TXNDC5: variants seen among roughly 807,000 people sequenced by gnomAD.
TXNDC5 encodes thioredoxin domain-containing protein 5.
TXNDC5 carries 44 observed loss-of-function variants against 52.6 expected under a neutral mutation model. The observed-to-expected ratio is 0.84, with a 90% CI of 0.66 to 1.08. The LOEUF (loss-of-function observed/expected upper bound fraction) is 1.08. TXNDC5 is among the 50% of genes least tolerant of loss of function. The pLI is 0.00. For synonymous variants in TXNDC5, 241 were observed against 234.4 expected, an observed-to-expected ratio of 1.03 and a Z score of -0.26; for missense variants, 600 against 565.5, an observed-to-expected ratio of 1.06 and a Z score of -0.62.
rs371995012 is a variant in TXNDC5, at chr6:7,903,438, G to C, written c.413+1136C>G. Among the ~76,000 whole-genome samples the C allele has an allele frequency of 1.4e-4, 22 of 152,204 alleles. No individual in the cohort carries two copies. The Middle Eastern group carries it at 0.01, about 71-fold the overall frequency. On this transcript the variant is annotated intron_variant, in intron 2 of 9. Transcript: ENST00000379757. The stretch of plus-strand genomic sequence containing the variant: ...GTAGGGAAAACCCTAACATGTATTG[G>C]GTGTGCTCAGATTGGTGTCTGCACA...
intron 1 of TXNDC5, among the ~76,000 whole-genome samples, chr6:7,905,526 C>G (rs1473523258): frequency 3.9e-5 from 6 of 152,196 alleles, no homozygotes; most frequent in Non-Finnish European, 8.8e-5. Flanking sequence ...AATCACCCAT[C>G]ATTTAAAATA....
In TXNDC5 at chr6:7,910,744, C is replaced by T; in HGVS notation, c.33G>A (p.Leu11=). 8.9e-6 allele frequency: 9 copies of T among 1,014,648 alleles called. No homozygotes were observed. The highest frequency in any genetic ancestry group is 1.1e-5 in the Non-Finnish European group (9 of 852,582). 62.9% of individuals were successfully genotyped at this position (1,014,648 alleles called of 1,614,324 possible). A position where few individuals can be genotyped will look rare whatever the true frequency, so the allele number is the denominator to read the frequency against. The change falls in exon 1 of 10, where the codon CTG becomes CTA. Residue 11 remains leucine, a synonymous_variant. Coordinates refer to ENST00000379757, the MANE Select transcript of TXNDC5 (RefSeq NM_030810.5). MPARPGRLLP[L]LARPAALTAL... ...CAGTCAGGGCCGCCGGCCGGGCCAG[C>T]AGCGGGAGGAGGCGTCCTGGGCGCG... is the stretch of plus-strand genomic sequence containing the variant.
At chr6:7,892,834 G>A (rs1321619966) in intron 4 of TXNDC5, among the ~76,000 whole-genome samples, 2 of 152,188 alleles carry the variant, frequency 1.3e-5, no homozygotes, top group Non-Finnish European at 2.9e-5. Flanking sequence ...CCAGTCTCGG[G>A]TGTGTATTCA....
intron 6 of TXNDC5, chr6:7,889,181 G>A: frequency 2.2e-6 from 1 of 445,474 alleles, no homozygotes; most frequent in Non-Finnish European, 4.0e-6. Context: ...GGCAGAACCG[G>A]ACCAAGTGCA....
chr6:7,906,528 T>A (rs1334692537), intron 1 of TXNDC5, among the ~76,000 whole-genome samples: 2 of 92,726 alleles, frequency 2.2e-5, no homozygotes, highest in African/African-American at 4.8e-5. Context: ...AGAGCAAGAC[T>A]CCATCTCAAA....
At position 7,891,225 on chromosome 6, in the gene TXNDC5, C is replaced by T. The variant is rs576608512; in HGVS notation, c.732+396G>A. 9.3e-4 allele frequency among the ~76,000 whole-genome samples: 141 copies of T among 152,244 alleles called. 1 individual carries two copies. Among genetic ancestry groups the T allele is most frequent in the African/African-American group, 3.0e-3 (126 of 41,532 alleles). On this transcript the variant is annotated intron_variant, in intron 5 of 9. Transcript: ENST00000379757. Reference sequence around the variant, plus strand: ...GTGCAAACTGAGGGAGGGTCTTCTGCGTGCTTGGGGGAGCACAGAGCCAGG... The same window carrying T: ...GTGCAAACTGAGGGAGGGTCTTCTGTGTGCTTGGGGGAGCACAGAGCCAGG...
intron 1 of TXNDC5, among the ~76,000 whole-genome samples, chr6:7,907,633 G>C (rs760137936): frequency 1.3e-5 from 2 of 152,216 alleles, no homozygotes; most frequent in African/African-American, 4.8e-5. Flanking sequence ...ACTGGAAAAA[G>C]GTATGTGTGT....
chr6:7,893,654 G>A (rs1760273325), intron 4 of TXNDC5, among the ~76,000 whole-genome samples: 1 of 152,262 alleles, frequency 6.6e-6, no homozygotes, highest in Admixed American at 6.5e-5. Context: ...CGGAAAGCAT[G>A]CTAGAGTTCT....
At chr6:7,909,779 T>A (rs1760853558) in intron 1 of TXNDC5, 1 of 985,870 alleles carries the variant, frequency 1.0e-6, no homozygotes, top group Non-Finnish European at 1.2e-6. Flanking sequence ...CTCCTTCCTA[T>A]CCCACAAAAG....
intron 2 of TXNDC5, among the ~76,000 whole-genome samples, chr6:7,901,751 T>C (rs1436171026): frequency 7.2e-5 from 11 of 152,206 alleles, no homozygotes; most frequent in African/African-American, 2.4e-5. Flanking sequence ...ACATGGGCAT[T>C]TGAGTCTCCT....
intron 7 of TXNDC5, among the ~76,000 whole-genome samples, chr6:7,888,314 C>T (rs1312078733): frequency 2.6e-5 from 4 of 152,198 alleles, no homozygotes; most frequent in Admixed American, 6.5e-5. Flanking sequence ...GGAAAATGCC[C>T]GGAGCAAGGT....
At position 7,910,769 on chromosome 6, in the gene TXNDC5, G is replaced by A. The variant is rs998737685; in HGVS notation, c.8C>T (p.Ala3Val). The change falls in exon 1 of 10, where the codon GCG becomes GTG. Residue 3 changes from alanine to valine, a missense_variant. Ala to Val is a moderately conservative substitution (Grantham distance 64, BLOSUM62 0). Transcript: ENST00000379757. The stretch of plus-strand genomic sequence containing the variant: ...CAGCGGGAGGAGGCGTCCTGGGCGC[G>A]CGGGCATCGCGGCGGGGCTGGGCGC... MP[A>V]RPGRLLPLLA... The A allele has an allele frequency of 4.0e-6, 4 of 992,470 alleles. No individual in the cohort carries two copies. The East Asian group carries it at 3.3e-4, about 82-fold the overall frequency. 61.5% of individuals were successfully genotyped at this position (992,470 alleles called of 1,614,324 possible).
At chr6:7,889,277 A>G in intron 6 of TXNDC5, 1 of 533,908 alleles carries the variant, frequency 1.9e-6, no homozygotes, top group Non-Finnish European at 3.3e-6. Context: ...GGGTTATTCT[A>G]GTGATAACCT....
At chr6:7,894,935 GT>G in intron 4 of TXNDC5, 170 bp downstream of exon 4, 1 of 985,318 alleles carries the variant, frequency 1.0e-6, no homozygotes, top group Non-Finnish European at 1.2e-6. Flanking sequence ...GAGAACTCAT[GT>G]TTTAGAGGAG....
intron 1 of TXNDC5, among the ~76,000 whole-genome samples, chr6:7,905,863 A>T (rs1760713484): frequency 6.6e-6 from 1 of 152,182 alleles, no homozygotes; most frequent in Non-Finnish European, 1.5e-5. Flanking sequence ...ATGAACACTC[A>T]ACGCTTAGAA....
At position 7,884,409 on chromosome 6, in the gene TXNDC5, T is replaced by G. The variant is rs1440526676; in HGVS notation, c.1126A>C (p.Ile376Leu). 4.3e-6 allele frequency: 7 copies of G among 1,614,150 alleles called. No homozygotes were observed. In the East Asian group the frequency reaches 8.9e-5, roughly 21 times the overall value. Residue 376 changes from isoleucine to leucine, a missense_variant, in exon 9 of 10, where the codon ATC (isoleucine) becomes CTC (leucine). Coordinates refer to ENST00000379757, the MANE Select transcript of TXNDC5 (RefSeq NM_030810.5). ...KEFPGLAGVK[I>L]AEVDCTAERN... The stretch of plus-strand genomic sequence containing the variant: ...TCAGCAGTGCAGTCTACTTCGGCGA[T>G]CTTGACCCCCGCCAGACCAGGGAAT...
intron 1 of TXNDC5, among the ~76,000 whole-genome samples, chr6:7,906,557 A>AAAAAAAAAAAAAAC (rs1561816188): frequency 3.7e-5 from 5 of 133,454 alleles, no homozygotes; most frequent in African/African-American, 1.8e-4. Context: ...AAAAAAAAAA[A>AAAAAAAAAAAAAAC]GAAAAACAGA....
At chr6:7,901,713 C>T (rs1441999768) in intron 2 of TXNDC5, among the ~76,000 whole-genome samples, 1 of 152,122 alleles carries the variant, frequency 6.6e-6, no homozygotes, top group Non-Finnish European at 1.5e-5. Flanking sequence ...AAAGTATTGC[C>T]CCAGATTTCC....
At chr6:7,902,692 G>A (rs1760608465) in intron 2 of TXNDC5, among the ~76,000 whole-genome samples, 1 of 152,148 alleles carries the variant, frequency 6.6e-6, no homozygotes, top group African/African-American at 2.4e-5. Flanking sequence ...CTGCAGGGCA[G>A]TGATGGTCAC....
Sources: allele counts gnomAD v4.1 joint callset (sites outside exome capture counted in the v4.1 genomes callset), GRCh38; gene constraint gnomAD v4.1.1; transcripts MANE v1.5; gene names NCBI Gene and HGNC (gene_info 2026-07-23, HGNC 2026-07-21).